SLC7A2: variants seen among roughly 807,000 people sequenced by gnomAD.
SLC7A2 encodes solute carrier family 7 member 2.
A neutral mutation model predicts 58.9 loss-of-function variants in SLC7A2; 48 were observed. The observed-to-expected ratio is 0.82, with a 90% CI of 0.65 to 1.04. The LOEUF (loss-of-function observed/expected upper bound fraction) is 1.04, where lower values mean the gene tolerates loss of function less well. SLC7A2 is among the 50% of genes least tolerant of loss of function. SLC7A2 has a pLI of 0.00. For missense variants in SLC7A2, 1,029 were observed against 818.8 expected (o/e 1.26, Z -3.13); for synonymous variants, 363 against 314.5 (o/e 1.15, Z -1.63).
At chr8:17,523,668 T>C (rs1350875017) in intron 2 of SLC7A2, among the ~76,000 whole-genome samples, 1 of 152,062 alleles carries the variant, frequency 6.6e-6, no homozygotes, top group Non-Finnish European at 1.5e-5. Flanking sequence ...TTCTAGAAGA[T>C]AACATTGGGA....
At chr8:17,535,342 T>C (rs1259630477) in intron 2 of SLC7A2, among the ~76,000 whole-genome samples, 1 of 151,540 alleles carries the variant, frequency 6.6e-6, no homozygotes, top group African/African-American at 2.4e-5. Flanking sequence ...TAAATTTAAC[T>C]CATCCAAACA....
chr8:17,504,684 G>T (rs77776043), intron 2 of SLC7A2, among the ~76,000 whole-genome samples: 2 of 152,096 alleles, frequency 1.3e-5, no homozygotes, highest in Non-Finnish European at 2.9e-5. Context: ...GAAGTTAAAG[G>T]TCATACTCTT....
chr8:17,521,382 G>A (rs563155216), intron 2 of SLC7A2, among the ~76,000 whole-genome samples: 31 of 152,284 alleles, frequency 2.0e-4, no homozygotes, highest in African/African-American at 7.0e-4. Flanking sequence ...AAGAATTTAC[G>A]TCAGATGAAT....
chr8:17,529,023 A>G (rs1190066830), intron 2 of SLC7A2, among the ~76,000 whole-genome samples: 1 of 152,216 alleles, frequency 6.6e-6, no homozygotes. Flanking sequence ...AGCATCCACT[A>G]GAGTTTCAAA....
intron 2 of SLC7A2, among the ~76,000 whole-genome samples, chr8:17,537,948 C>G (rs1356048134): frequency 2.0e-5 from 3 of 151,980 alleles, no homozygotes; most frequent in South Asian, 2.1e-4. Context: ...ATTTTTTTTT[C>G]TGCATCTCTT....
chr8:17,500,187 C>G (rs1488837688), intron 1 of SLC7A2: 2 of 152,178 alleles, frequency 1.3e-5, no homozygotes, highest in Admixed American at 1.3e-4. Flanking sequence ...AATACCACCA[C>G]TTCTAAGCAG....
chr8:17,546,365 A>G (rs1051568398), intron 4 of SLC7A2, among the ~76,000 whole-genome samples: 1 of 152,222 alleles, frequency 6.6e-6, no homozygotes, highest in Non-Finnish European at 1.5e-5. Flanking sequence ...AGAATCTCTG[A>G]AGATCAAAAC....
chr8:17,529,991 T>C (rs1801377129), intron 2 of SLC7A2, among the ~76,000 whole-genome samples: 1 of 152,178 alleles, frequency 6.6e-6, no homozygotes, highest in Non-Finnish European at 1.5e-5. Flanking sequence ...CTAATACGTC[T>C]TGAAGGAGAC....
intron 2 of SLC7A2, among the ~76,000 whole-genome samples, chr8:17,517,864 A>C (rs1336200026): frequency 6.6e-6 from 1 of 152,044 alleles, no homozygotes; most frequent in Non-Finnish European, 1.5e-5. Context: ...TCTGTTTCTC[A>C]CTGCTTCTGG....
intron 2 of SLC7A2, among the ~76,000 whole-genome samples, chr8:17,541,565 G>C (rs1363591981): frequency 6.6e-6 from 1 of 152,078 alleles, no homozygotes; most frequent in Non-Finnish European, 1.5e-5. Context: ...CATATTCTTT[G>C]ACTTACCTGC....
chr8:17,562,176 A>G, intron 11 of SLC7A2, 66 bp downstream of exon 11: 1 of 682,322 alleles, frequency 1.5e-6, no homozygotes. Flanking sequence ...TTAGTTTGGT[A>G]AGTATTTTTT....
At chr8:17,563,575 T>A in intron 11 of SLC7A2, 28 bp from the exon 12 acceptor site, 1 of 1,349,102 alleles carries the variant, frequency 7.4e-7, no homozygotes, top group Non-Finnish European at 1.1e-6. Context: ...AATATGAGTA[T>A]GTTCAAAAGG....
intron 2 of SLC7A2, among the ~76,000 whole-genome samples, chr8:17,518,082 C>G (rs973075482): frequency 2.6e-5 from 4 of 152,140 alleles, no homozygotes; most frequent in Admixed American, 2.6e-4. Context: ...TGAATCGTCT[C>G]TATTATTAAT....
At chr8:17,518,800 G>C (rs1800902193) in intron 2 of SLC7A2, among the ~76,000 whole-genome samples, 1 of 152,084 alleles carries the variant, frequency 6.6e-6, no homozygotes, top group Non-Finnish European at 1.5e-5. Context: ...TAGTCTGCTT[G>C]AGCTGTCATA....
chr8:17,564,698 T>G (rs1803179917), intron 12 of SLC7A2, among the ~76,000 whole-genome samples: 1 of 152,090 alleles, frequency 6.6e-6, no homozygotes, highest in South Asian at 2.1e-4. Flanking sequence ...AGAGCTCAGG[T>G]GGTAATGTTC....
chr8:17,564,882 C>T (rs781412375), intron 12 of SLC7A2, 68 bp from the exon 13 acceptor site: 1 of 1,288,498 alleles, frequency 7.8e-7, no homozygotes. Flanking sequence ...CATTTTCCAC[C>T]TCAATAACTT....
chr8:17,559,607 A>C (rs1802867046), intron 9 of SLC7A2, among the ~76,000 whole-genome samples: 1 of 152,132 alleles, frequency 6.6e-6, no homozygotes, highest in South Asian at 2.1e-4. Context: ...AAACCATCAG[A>C]TCTCATGAGA....
At chr8:17,561,002 G>C (rs551638812) in intron 10 of SLC7A2, among the ~76,000 whole-genome samples, 1 of 152,310 alleles carries the variant, frequency 6.6e-6, no homozygotes, top group Non-Finnish European at 1.5e-5. Flanking sequence ...GATGCCAAGA[G>C]AGACGGTCCG....
At chr8:17,505,126 A>G (rs1800313652) in intron 2 of SLC7A2, among the ~76,000 whole-genome samples, 1 of 149,778 alleles carries the variant, frequency 6.7e-6, no homozygotes, top group African/African-American at 2.5e-5. Context: ...CTTCCCTGTA[A>G]AAAAGAATGC....
Sources: allele counts gnomAD v4.1 joint callset (sites outside exome capture counted in the v4.1 genomes callset), GRCh38; gene constraint gnomAD v4.1.1; transcripts MANE v1.5; gene names NCBI Gene and HGNC (gene_info 2026-07-23, HGNC 2026-07-21).